PTPRM: variants seen among roughly 807,000 people sequenced by gnomAD.
The protein encoded by PTPRM is receptor-type tyrosine-protein phosphatase mu.
A neutral mutation model predicts 186.7 loss-of-function variants in PTPRM; 47 were observed. That is an observed-to-expected ratio of 0.25 (90% CI 0.20 to 0.32). The LOEUF (loss-of-function observed/expected upper bound fraction) is 0.32, where lower values mean the gene tolerates loss of function less well. Ranked by LOEUF, PTPRM falls within the 10% of genes least tolerant of loss-of-function variation. The pLI, the probability that PTPRM is intolerant of heterozygous loss-of-function variation, is 1.00. For synonymous variants in PTPRM, 668 were observed against 674.9 expected (o/e 0.99, Z 0.16); for missense variants, 1,494 against 1,865.0 (o/e 0.80, Z 3.66).
intron 20 of PTPRM, among the ~76,000 whole-genome samples, chr18:8,312,822 C>T (rs948082427): frequency 1.3e-5 from 2 of 152,114 alleles, no homozygotes; most frequent in African/African-American, 2.4e-5. Flanking sequence ...AGCTTGTCAC[C>T]ACATTCCAGA....
intron 4 of PTPRM, among the ~76,000 whole-genome samples, chr18:7,919,903 T>G (rs2050764423): frequency 6.6e-6 from 1 of 152,238 alleles, no homozygotes; most frequent in East Asian, 1.9e-4. Context: ...TTATAATTGT[T>G]TTATCCTCTT....
chr18:8,022,208 ATAAAG>A (rs1221959142), intron 7 of PTPRM, among the ~76,000 whole-genome samples: 2 of 152,088 alleles, frequency 1.3e-5, no homozygotes, highest in Non-Finnish European at 2.9e-5. Flanking sequence ...GACACTTTAA[ATAAAG>A]TAATCTCTGG....
At chr18:7,738,049 CAT>C (rs1178574510) in intron 1 of PTPRM, among the ~76,000 whole-genome samples, 1 of 152,126 alleles carries the variant, frequency 6.6e-6, no homozygotes, top group Admixed American at 6.5e-5. Flanking sequence ...TTTCCATAGA[CAT>C]AGAGTTTTAT....
intron 7 of PTPRM, among the ~76,000 whole-genome samples, chr18:7,965,080 C>A (rs2053942171): frequency 6.9e-6 from 1 of 144,968 alleles, no homozygotes; most frequent in Admixed American, 7.0e-5. Context: ...TCTTGTGTAC[C>A]CAGGCTGGAG....
chr18:7,720,469 G>GACT (rs1198177156), intron 1 of PTPRM, among the ~76,000 whole-genome samples: 1 of 152,106 alleles, frequency 6.6e-6, no homozygotes. Flanking sequence ...AAAATTAATA[G>GACT]ACTATGTTTG....
chr18:8,172,955 C>T (rs2093426838), intron 14 of PTPRM, among the ~76,000 whole-genome samples: 1 of 152,142 alleles, frequency 6.6e-6, no homozygotes, highest in South Asian at 2.1e-4. Flanking sequence ...CTTACATATA[C>T]ACACAAACAC....
chr18:8,392,606 G>A (rs1416641647), intron 31 of PTPRM, among the ~76,000 whole-genome samples: 1 of 151,660 alleles, frequency 6.6e-6, no homozygotes, highest in East Asian at 1.9e-4. Flanking sequence ...CAGCCTGGGT[G>A]ACAGAGTGAG....
chr18:7,767,009 G>C (rs1210007838), intron 1 of PTPRM, among the ~76,000 whole-genome samples: 8 of 152,216 alleles, frequency 5.3e-5, no homozygotes, highest in Admixed American at 5.2e-4. Flanking sequence ...AGGAGTCAAT[G>C]ACATCATGAC....
intron 11 of PTPRM, among the ~76,000 whole-genome samples, chr18:8,092,835 C>T (rs2145400801): frequency 6.6e-6 from 1 of 152,110 alleles, no homozygotes; most frequent in South Asian, 2.1e-4. Context: ...AACAAACAAA[C>T]AAAAAACATA....
intron 1 of PTPRM, among the ~76,000 whole-genome samples, chr18:7,756,194 T>C (rs1019437019): frequency 2.0e-5 from 3 of 152,206 alleles, no homozygotes; most frequent in Non-Finnish European, 2.9e-5. Flanking sequence ...TGATGGTTCC[T>C]TGTGGTTGCT....
chr18:7,926,730 A>G, intron 5 of PTPRM, 47 bp downstream of exon 5: 1 of 1,424,944 alleles, frequency 7.0e-7, no homozygotes, highest in East Asian at 2.4e-5. Context: ...AGCGGGAAGA[A>G]TACACTCCCC....
At chr18:8,061,747 G>A (rs1266249143) in intron 7 of PTPRM, among the ~76,000 whole-genome samples, 1 of 110,304 alleles carries the variant, frequency 9.1e-6, no homozygotes, top group Non-Finnish European at 1.9e-5. Context: ...GAAATTCTGG[G>A]TTGAAAATTC....
intron 4 of PTPRM, among the ~76,000 whole-genome samples, chr18:7,916,153 C>T (rs1024408545): frequency 9.2e-5 from 14 of 152,070 alleles, no homozygotes; most frequent in Admixed American, 8.5e-4. Flanking sequence ...GAATAATGTA[C>T]ACAATTCAGG....
chr18:8,277,198 A>G (rs2147696434), intron 19 of PTPRM, among the ~76,000 whole-genome samples: 1 of 152,300 alleles, frequency 6.6e-6, no homozygotes, highest in East Asian at 1.9e-4. Context: ...TGGCCTCCCA[A>G]AGTGCTCCTA....
At position 8,118,660 on chromosome 18, in the gene PTPRM, C is replaced by T. The variant is rs532578626; in HGVS notation, c.2167+3833C>T. On this transcript the variant is annotated intron_variant, in intron 13 of 32. Coordinates refer to ENST00000580170, the MANE Select transcript of PTPRM (RefSeq NM_001105244.2). ...ACTAAAAATACAAAAATTAGCCGGG[C>T]GCAGTGGTGGGTGCCTTTAATCCCA... Among the ~76,000 whole-genome samples, 17 of 151,962 alleles carry T rather than the reference C, an allele frequency of 1.1e-4. No homozygotes were observed. In the South Asian group the frequency reaches 1.2e-3, roughly 11 times the overall value.
intron 11 of PTPRM, among the ~76,000 whole-genome samples, chr18:8,100,743 AAATT>A (rs2091256431): frequency 6.6e-6 from 1 of 152,228 alleles, no homozygotes; most frequent in South Asian, 2.1e-4. Flanking sequence ...TGATCAGTGA[AAATT>A]ATTTGCAAAC....
intron 1 of PTPRM, among the ~76,000 whole-genome samples, chr18:7,576,341 C>G (rs542566545): frequency 1.2e-4 from 19 of 152,282 alleles, no homozygotes; most frequent in African/African-American, 4.6e-4. Flanking sequence ...GTGGGTTACT[C>G]TGGGAGTCTG....
chr18:7,859,687 G>A (rs1253878339), intron 2 of PTPRM, among the ~76,000 whole-genome samples: 2 of 152,224 alleles, frequency 1.3e-5, no homozygotes, highest in South Asian at 4.1e-4. Flanking sequence ...CAGAAATGGG[G>A]GTTGAGGAGT....
chr18:8,383,911 C>G (rs1598533458), intron 29 of PTPRM, among the ~76,000 whole-genome samples: 1 of 152,202 alleles, frequency 6.6e-6, no homozygotes, highest in Non-Finnish European at 1.5e-5. Flanking sequence ...CCTAGTGCCT[C>G]TCCCCGGGGC....
Sources: allele counts gnomAD v4.1 joint callset (sites outside exome capture counted in the v4.1 genomes callset), GRCh38; gene constraint gnomAD v4.1.1; transcripts MANE v1.5; gene names NCBI Gene and HGNC (gene_info 2026-07-23, HGNC 2026-07-21).